MTMR8: variants seen among roughly 807,000 people sequenced by gnomAD.
The protein encoded by MTMR8 is myotubularin related protein 8.
MTMR8 carries 65 observed loss-of-function variants against 39.3 expected under a neutral mutation model. The ratio of observed to expected loss-of-function variants is 1.65; its 90% CI spans 1.35 to 2.03. MTMR8 has a LOEUF of 2.03. MTMR8 is among the 30% of genes most tolerant of loss of function. MTMR8 has a pLI of 0.00. For synonymous variants in MTMR8, 245 were observed against 185.2 expected, an observed-to-expected ratio of 1.32 and a Z score of -2.62; for missense variants, 777 against 538.9, an observed-to-expected ratio of 1.44 and a Z score of -4.37.
chrX:64,376,931 G>C (rs1270713010), intron 1 of MTMR8, among the ~76,000 whole-genome samples: 1 of 111,644 alleles, frequency 9.0e-6, no homozygotes, highest in Non-Finnish European at 1.9e-5. Context: ...TCGGGACACT[G>C]CTGTGTCCCA....
chrX:64,276,862 C>T lies in MTMR8; in HGVS notation c.1482-5789G>A, dbSNP rs6624678. ...ATTGACAGCGGGGTATTAAAGTCTC[C>T]TACTATTATTCTGTGGGAGTCTAAG... On this transcript the variant is annotated intron_variant, in intron 12 of 13. Transcript: ENST00000374852. Among the ~76,000 whole-genome samples, 11 of 111,441 alleles carry T rather than the reference C, an allele frequency of 9.9e-5. No homozygotes were observed. The East Asian group carries it at 3.1e-3, about 31-fold the overall frequency.
chrX:64,328,970 C>T, intron 11 of MTMR8, 70 bp from the exon 12 acceptor site: 7 of 1,036,623 alleles, frequency 6.8e-6, no homozygotes. Flanking sequence ...TCCTGTTGAA[C>T]TGATAAGCAG....
chrX:64,302,420 C>A (rs1038512411), intron 12 of MTMR8, among the ~76,000 whole-genome samples: 3 of 112,304 alleles, frequency 2.7e-5, no homozygotes, highest in Non-Finnish European at 3.8e-5. Context: ...CGCCCTGCTT[C>A]GGCTCGCGGA....
intron 13 of MTMR8, 125 bp from the exon 14 acceptor site, chrX:64,269,168 A>T: frequency 1.6e-6 from 1 of 638,936 alleles, no homozygotes. Flanking sequence ...CCTTTTGCTC[A>T]CCCCCTCCCC....
chrX:64,287,017 C>T (rs759394834), intron 12 of MTMR8, among the ~76,000 whole-genome samples: 5 of 111,544 alleles, frequency 4.5e-5, no homozygotes, highest in African/African-American at 1.6e-4. Flanking sequence ...AAGAGGAAGT[C>T]AAATTGTCCC....
At chrX:64,361,467 A>G (rs967878163) in intron 1 of MTMR8, among the ~76,000 whole-genome samples, 4 of 111,901 alleles carry the variant, frequency 3.6e-5, no homozygotes, top group Non-Finnish European at 7.6e-5. Flanking sequence ...AATCAACAGT[A>G]TATTTTAAAA....
chrX:64,307,876 G>A (rs1318131654), intron 12 of MTMR8, among the ~76,000 whole-genome samples: 1 of 112,158 alleles, frequency 8.9e-6, no homozygotes, highest in Non-Finnish European at 1.9e-5. Flanking sequence ...TTCTTTATCA[G>A]CATTTTCTAA....
chrX:64,369,679 G>A (rs1040500425), intron 1 of MTMR8, among the ~76,000 whole-genome samples: 14 of 110,666 alleles, frequency 1.3e-4, no homozygotes, highest in Non-Finnish European at 2.6e-4. Flanking sequence ...TGAGTTGATG[G>A]GTGCAGCAAA....
At chrX:64,331,852 G>C in intron 10 of MTMR8, 95 bp from the exon 11 acceptor site, 3 of 764,547 alleles carry the variant, frequency 3.9e-6, no homozygotes, top group Non-Finnish European at 3.8e-6. Context: ...TTTTGTCTCT[G>C]TTGGTAGTGG....
At chrX:64,356,087 C>T in intron 3 of MTMR8, 89 bp downstream of exon 3, 1 of 952,912 alleles carries the variant, frequency 1.0e-6, no homozygotes, top group South Asian at 2.2e-5. Flanking sequence ...GATCCAAACC[C>T]TCCTCTGACT....
intron 5 of MTMR8, among the ~76,000 whole-genome samples, chrX:64,349,478 G>A (rs1363979088): frequency 1.8e-5 from 2 of 110,762 alleles, no homozygotes; most frequent in African/African-American, 6.6e-5. Flanking sequence ...GATTACAAGA[G>A]GTGATAAATA....
Position 64,328,669 on chromosome X carries a change from A to G in MTMR8, c.1481+103T>C, listed in dbSNP as rs771771982. On this transcript the variant is annotated intron_variant, in intron 12 of 13. Coordinates refer to ENST00000374852, the MANE Select transcript of MTMR8 (RefSeq NM_017677.4). ...ATATGAGGACAGAGTATCCTACTCC[A>G]TAGCCAGGCTTGTACAGATGGTGGC... is the stretch of plus-strand genomic sequence containing the variant. 25 of 813,253 alleles carry G rather than the reference A, an allele frequency of 3.1e-5. No individual in the cohort carries two copies. In the Admixed American group the frequency reaches 9.9e-4, roughly 32 times the overall value. The allele number at this position is 813,253 out of a possible 1,213,427, so 67.0% of individuals were successfully genotyped here.
intron 1 of MTMR8, among the ~76,000 whole-genome samples, chrX:64,386,183 A>T (rs1169419193): frequency 8.9e-6 from 1 of 111,795 alleles, no homozygotes; most frequent in South Asian, 3.8e-4. Context: ...TACAAAATAC[A>T]CTGTTCTGTT....
At chrX:64,301,651 C>T (rs1185411976) in intron 12 of MTMR8, among the ~76,000 whole-genome samples, 1 of 111,768 alleles carries the variant, frequency 8.9e-6, no homozygotes, top group East Asian at 2.8e-4. Flanking sequence ...AGGAGAGGTG[C>T]TCTGCGTTTT....
chrX:64,339,866 T>A (rs1181627365), intron 8 of MTMR8, among the ~76,000 whole-genome samples: 1 of 110,665 alleles, frequency 9.0e-6, no homozygotes, highest in Non-Finnish European at 1.9e-5. Context: ...CATGTTTCAA[T>A]ATGAGCTTAC....
chrX:64,300,085 G>T (rs1274564958), intron 12 of MTMR8, among the ~76,000 whole-genome samples: 1 of 100,309 alleles, frequency 1.0e-5, no homozygotes, highest in Non-Finnish European at 2.0e-5. Flanking sequence ...TTCTGTAGAT[G>T]TCTATTAGGT....
At chrX:64,312,109 C>T (rs181025990) in intron 12 of MTMR8, among the ~76,000 whole-genome samples, 2 of 111,307 alleles carry the variant, frequency 1.8e-5, no homozygotes, top group Non-Finnish European at 3.8e-5. Flanking sequence ...TGGCCATTTT[C>T]ACTATATTGA....
At chrX:64,316,381 T>C (rs377322201) in intron 12 of MTMR8, among the ~76,000 whole-genome samples, 1 of 112,448 alleles carries the variant, frequency 8.9e-6, no homozygotes, top group East Asian at 2.8e-4. Context: ...ATGCAGTGGC[T>C]CACACCTGTA....
intron 12 of MTMR8, among the ~76,000 whole-genome samples, chrX:64,282,828 T>A (rs957418899): frequency 2.7e-5 from 3 of 109,522 alleles, no homozygotes; most frequent in Admixed American, 1.9e-4. Context: ...TAGTAAGGAG[T>A]TAATATCCAG....
Sources: gnomAD v4.1 joint callset for allele counts (sites outside exome capture counted in the v4.1 genomes callset) on GRCh38, gnomAD v4.1.1 for gene constraint, MANE v1.5 for transcripts, NCBI Gene and HGNC (gene_info 2026-07-23, HGNC 2026-07-21) for gene names.